Variants in MAST2 observed in about 807,000 individuals in gnomAD.
The protein encoded by MAST2 is microtubule associated serine/threonine kinase 2.
In MAST2, 70 loss-of-function variants were observed where a neutral mutation model predicts 147.4. The observed-to-expected ratio is 0.47, with a 90% CI of 0.39 to 0.58. The LOEUF (loss-of-function observed/expected upper bound fraction) is 0.58. Ranked by LOEUF, MAST2 falls within the 20% of genes least tolerant of loss-of-function variation. The pLI, the probability that MAST2 is intolerant of heterozygous loss-of-function variation, is 0.00. For missense variants in MAST2, 2,080 were observed against 2,302.3 expected, an observed-to-expected ratio of 0.90 and a Z score of 1.98; for synonymous variants, 869 against 896.8, an observed-to-expected ratio of 0.97 and a Z score of 0.55.
At chr1:45,863,708 T>C (rs1325461206) in intron 3 of MAST2, among the ~76,000 whole-genome samples, 12 of 152,232 alleles carry the variant, frequency 7.9e-5, no homozygotes. Context: ...GAATCTGGCC[T>C]TTAGCTATTG....
intron 5 of MAST2, among the ~76,000 whole-genome samples, chr1:45,976,608 T>C (rs1371074471): frequency 6.6e-6 from 1 of 152,222 alleles, no homozygotes; most frequent in Non-Finnish European, 1.5e-5. Context: ...TTTTATTCAA[T>C]TTGCTACGGT....
In MAST2 at chr1:46,023,847, C is replaced by G. The variant is rs1199814283; in HGVS notation, c.1647C>G (p.Ile549Met). 5 of 1,614,126 alleles carry G rather than the reference C, an allele frequency of 3.1e-6. No homozygotes were observed. The highest frequency in any genetic ancestry group is 4.2e-6 in the Non-Finnish European group (5 of 1,180,022). The change falls in exon 15 of 29, where the codon ATC (isoleucine) becomes ATG (methionine). Residue 549 changes from isoleucine to methionine, a missense_variant. Transcript: ENST00000361297. This position sits in a 1 kb window ranked among gnomAD's most constrained non-coding sequence, Gnocchi z 4.9. The part of the protein sequence containing the change: ...AMKKINKQNL[I>M]LRNQIQQAFV... ...AGAAGATCAACAAGCAGAACCTGAT[C>G]CTACGGAACCAGATCCAGCAGGCCT...
At chr1:45,911,525 A>C (rs906755470) in intron 4 of MAST2, among the ~76,000 whole-genome samples, 8 of 152,128 alleles carry the variant, frequency 5.3e-5, no homozygotes, top group African/African-American at 1.9e-4. Context: ...GCAGTGATTT[A>C]TAGCATTGGA....
chr1:45,894,302 A>G (rs1648360808), intron 4 of MAST2, among the ~76,000 whole-genome samples: 2 of 152,206 alleles, frequency 1.3e-5, no homozygotes, highest in South Asian at 4.1e-4. Context: ...AAATCTTCAA[A>G]TAATCGTTAG....
chr1:45,980,998 A>G (rs1557999124), intron 5 of MAST2, among the ~76,000 whole-genome samples: 1 of 152,186 alleles, frequency 6.6e-6, no homozygotes, highest in Non-Finnish European at 1.5e-5. Context: ...GAGCTGGCCA[A>G]ACAGGAGACT....
At chr1:45,877,747 G>A (rs992654381) in intron 3 of MAST2, among the ~76,000 whole-genome samples, 1 of 152,140 alleles carries the variant, frequency 6.6e-6, no homozygotes, top group African/African-American at 2.4e-5. Context: ...AAATAGAGGA[G>A]TAAGGAACAG....
At chr1:45,851,203 G>A (rs548182269) in intron 3 of MAST2, among the ~76,000 whole-genome samples, 2 of 152,098 alleles carry the variant, frequency 1.3e-5, no homozygotes, top group South Asian at 4.2e-4. Flanking sequence ...TGTATTCTTA[G>A]GTACTTTTTC....
At chr1:45,888,687 TTTTTTTTTTTTTG>T (rs1647213028) in intron 4 of MAST2, among the ~76,000 whole-genome samples, 1 of 70,616 alleles carries the variant, frequency 1.4e-5, no homozygotes, top group Non-Finnish European at 2.6e-5. Context: ...TTTTTTTTTT[TTTTTTTTTTTTTG>T]AGATGGAGTC....
chr1:46,032,188 C>T lies in MAST2; in HGVS notation c.3198C>T (p.Thr1066=), dbSNP rs1330084034. Residue 1066 remains threonine (T), a synonymous_variant, in exon 25 of 29, where the codon ACC becomes ACT. Coordinates refer to ENST00000361297, the MANE Select transcript of MAST2 (RefSeq NM_015112.3). ...LSLLIPSEHH[T]CSPLASPMSP... ...CTTCTCCTTCTCCAGAACACCACACCTGCTCCCCGTTGGCCAGCCCCATGT... is the reference window on the plus strand; with the variant it reads ...CTTCTCCTTCTCCAGAACACCACACTTGCTCCCCGTTGGCCAGCCCCATGT... The T allele has an allele frequency of 6.2e-7, 1 of 1,614,098 alleles. No homozygotes were observed. The highest frequency in any genetic ancestry group is 1.7e-5 in the Admixed American group (1 of 60,030).
At chr1:46,007,039 A>T (rs1328852883) in intron 8 of MAST2, among the ~76,000 whole-genome samples, 4 of 152,240 alleles carry the variant, frequency 2.6e-5, no homozygotes, top group Non-Finnish European at 5.9e-5. Flanking sequence ...CATCTTCATC[A>T]AACCAAACTA....
intron 3 of MAST2, among the ~76,000 whole-genome samples, chr1:45,878,811 A>C (rs1047289483): frequency 4.6e-5 from 7 of 152,102 alleles, no homozygotes; most frequent in African/African-American, 1.7e-4. Flanking sequence ...AAAAACGATA[A>C]AACATTGCTT....
At chr1:45,858,674 A>T (rs1321260577) in intron 3 of MAST2, among the ~76,000 whole-genome samples, 1 of 147,822 alleles carries the variant, frequency 6.8e-6, no homozygotes, top group Non-Finnish European at 1.5e-5. Flanking sequence ...TGTTTTAGAC[A>T]TGAAGTCCTT....
At chr1:45,892,703 T>G (rs1267751186) in intron 4 of MAST2, among the ~76,000 whole-genome samples, 1 of 152,186 alleles carries the variant, frequency 6.6e-6, no homozygotes, top group Non-Finnish European at 1.5e-5. Flanking sequence ...AGACTCTGGC[T>G]TCTAGCTGAT....
At chr1:45,995,746 T>A (rs4660332) in intron 5 of MAST2, among the ~76,000 whole-genome samples, 43,215 of 152,088 alleles carry the variant, frequency 0.28, 6,282 homozygotes, top group South Asian at 0.39. Flanking sequence ...GCTAATTTTC[T>A]GGATCTTTGC....
intron 1 of MAST2, among the ~76,000 whole-genome samples, chr1:45,804,801 G>A (rs1254920404): frequency 6.6e-6 from 1 of 152,174 alleles, no homozygotes; most frequent in Non-Finnish European, 1.5e-5. Flanking sequence ...ATGAGTAGGG[G>A]ATAAAGGTCA....
At chr1:45,918,520 C>T (rs909581546) in intron 4 of MAST2, among the ~76,000 whole-genome samples, 8 of 152,222 alleles carry the variant, frequency 5.3e-5, no homozygotes, top group Admixed American at 3.9e-4. Context: ...CTCACTGCAA[C>T]TCTGCCTCCC....
At chr1:45,984,345 C>G (rs946440182) in intron 5 of MAST2, among the ~76,000 whole-genome samples, 2 of 150,456 alleles carry the variant, frequency 1.3e-5, no homozygotes, top group Non-Finnish European at 3.0e-5. Context: ...ATTCTTTCAA[C>G]TAGGCTACAG....
At chr1:45,977,551 G>A (rs2149033513) in intron 5 of MAST2, among the ~76,000 whole-genome samples, 1 of 152,016 alleles carries the variant, frequency 6.6e-6, no homozygotes, top group Admixed American at 6.6e-5. Flanking sequence ...TGTAATCCCA[G>A]CACTTTGGGA....
chr1:45,906,292 T>A (rs1650712659), intron 4 of MAST2, among the ~76,000 whole-genome samples: 1 of 152,140 alleles, frequency 6.6e-6, no homozygotes, highest in Non-Finnish European at 1.5e-5. Context: ...GAAAGTGACA[T>A]CTTGATGATC....
Sources: allele counts gnomAD v4.1 joint callset (sites outside exome capture counted in the v4.1 genomes callset), GRCh38; gene constraint gnomAD v4.1.1; non-coding constraint Gnocchi (gnomAD v3.1); transcripts MANE v1.5; gene names NCBI Gene and HGNC (gene_info 2026-07-23, HGNC 2026-07-21).